PACSIN2: variants seen among roughly 807,000 people sequenced by gnomAD.
PACSIN2 encodes protein kinase C and casein kinase substrate in neurons 2.
Under a neutral mutation model 63.8 loss-of-function variants are expected in PACSIN2, and 25 were observed. That is an observed-to-expected ratio of 0.39 (90% CI 0.29 to 0.55). The LOEUF (loss-of-function observed/expected upper bound fraction) is 0.55, where lower values mean the gene tolerates loss of function less well. Ranked by LOEUF, PACSIN2 falls within the 20% of genes least tolerant of loss-of-function variation. The probability of loss-of-function intolerance (pLI) is 0.62; values close to 1 mark genes in which losing one functional copy is unlikely to be tolerated. For synonymous variants in PACSIN2, 255 were observed against 256.2 expected, an observed-to-expected ratio of 1.00 and a Z score of 0.05; for missense variants, 518 against 646.9, an observed-to-expected ratio of 0.80 and a Z score of 2.16.
At chr22:42,937,731 G>A (rs1228599737) in intron 1 of PACSIN2, among the ~76,000 whole-genome samples, 1 of 152,206 alleles carries the variant, frequency 6.6e-6, no homozygotes, top group Non-Finnish European at 1.5e-5. Flanking sequence ...CCCACTGTGG[G>A]TGAGGAGCAG....
chr22:42,940,185 A>C (rs964331472), intron 1 of PACSIN2, among the ~76,000 whole-genome samples: 10 of 152,198 alleles, frequency 6.6e-5, no homozygotes, highest in Admixed American at 5.9e-4. Flanking sequence ...CAGTAAAACC[A>C]AGTGGAAAGC....
At chr22:42,930,595 G>C (rs1020379331) in intron 1 of PACSIN2, among the ~76,000 whole-genome samples, 3 of 152,154 alleles carry the variant, frequency 2.0e-5, no homozygotes, top group Admixed American at 2.0e-4. Flanking sequence ...AATGCATTTG[G>C]AAGTATGAAA....
intron 1 of PACSIN2, among the ~76,000 whole-genome samples, chr22:42,917,097 G>A (rs547396308): frequency 2.0e-5 from 3 of 152,200 alleles, no homozygotes; most frequent in Admixed American, 1.3e-4. Context: ...TGCACTACAC[G>A]CGTGCACTCC....
intron 1 of PACSIN2, among the ~76,000 whole-genome samples, chr22:42,941,327 C>T (rs1281849914): frequency 1.3e-5 from 2 of 152,192 alleles, no homozygotes; most frequent in Admixed American, 6.5e-5. Flanking sequence ...GCCACTTTTC[C>T]GCTATTAATA....
At position 42,929,076 on chromosome 22, in the gene PACSIN2, C is replaced by T. The variant is rs113522813; in HGVS notation, c.-77-16919G>A. Among the ~76,000 whole-genome samples, 1,030 of 152,328 alleles carry T rather than the reference C, an allele frequency of 6.8e-3. 15 individuals carry two copies. The highest frequency in any genetic ancestry group is 0.024 in the African/African-American group (992 of 41,568). ...GAGTAATTATAAGAGTGTGTATGTGCAGTGAGCATGGCTGCAAAGATCCTC... is the reference window on the plus strand; with the variant it reads ...GAGTAATTATAAGAGTGTGTATGTGTAGTGAGCATGGCTGCAAAGATCCTC... On this transcript the variant is annotated intron_variant, in intron 1 of 10. Transcript: ENST00000263246.
intron 2 of PACSIN2, among the ~76,000 whole-genome samples, chr22:42,909,880 G>A (rs755253208): frequency 7.2e-5 from 11 of 152,132 alleles, no homozygotes; most frequent in Non-Finnish European, 1.0e-4. Context: ...CAAGGGCACC[G>A]CAGGAACAGA....
chr22:42,927,807 G>A (rs183278833), intron 1 of PACSIN2, among the ~76,000 whole-genome samples: 482 of 151,122 alleles, frequency 3.2e-3, no homozygotes, highest in Non-Finnish European at 4.5e-3. Flanking sequence ...GGCTGGTCTC[G>A]AATTCCAGAC....
intron 1 of PACSIN2, among the ~76,000 whole-genome samples, chr22:42,921,740 CTT>C (rs538286179): frequency 3.5e-5 from 5 of 144,622 alleles, no homozygotes; most frequent in Admixed American, 6.9e-5. Context: ...CATTTAGAAG[CTT>C]TTTTTTTTTT....
At position 42,890,997 on chromosome 22, in the gene PACSIN2, C is replaced by T; in HGVS notation, c.403G>A (p.Glu135Lys). The stretch of plus-strand genomic sequence containing the variant: ...TTCTGTGCCTTCCGAAAGCCGTCCT[C>T]AGCTTCCTTGGTCTCCTTGAAGCCG... ...MGGFKETKEA[E>K]DGFRKAQKPW... The change falls in exon 4 of 11, where the codon GAG (glutamate) becomes AAG (lysine). Residue 135 changes from glutamate to lysine, a missense_variant. Physicochemically the swap from Glu to Lys is moderately conservative, Grantham distance 56 (BLOSUM62 1). Around this residue, in one of 2 missense-constraint regions of PACSIN2, gnomAD observed 507 missense variants for 612.3 expected, o/e 0.83. Transcript: ENST00000263246. The T allele has an allele frequency of 6.2e-7, 1 of 1,614,196 alleles. No homozygotes were observed. Among genetic ancestry groups the T allele is most frequent in the Non-Finnish European group, 8.5e-7 (1 of 1,180,042 alleles).
intron 1 of PACSIN2, among the ~76,000 whole-genome samples, chr22:42,934,619 T>C (rs1033241208): frequency 6.6e-6 from 1 of 152,172 alleles, no homozygotes; most frequent in Non-Finnish European, 1.5e-5. Context: ...CCACCTACCT[T>C]GCAAGGCCCA....
intron 1 of PACSIN2, among the ~76,000 whole-genome samples, chr22:42,978,049 A>G (rs1921829228): frequency 6.6e-6 from 1 of 152,216 alleles, no homozygotes; most frequent in African/African-American, 2.4e-5. Context: ...AAAACTACTG[A>G]CCTGGAGAGA....
At chr22:42,940,459 C>T (rs1458438871) in intron 1 of PACSIN2, among the ~76,000 whole-genome samples, 1 of 152,178 alleles carries the variant, frequency 6.6e-6, no homozygotes, top group Non-Finnish European at 1.5e-5. Context: ...CAAACTTCCT[C>T]CTCAATCCAC....
At chr22:42,920,137 A>C (rs1211192916) in intron 1 of PACSIN2, among the ~76,000 whole-genome samples, 1 of 152,014 alleles carries the variant, frequency 6.6e-6, no homozygotes, top group Non-Finnish European at 1.5e-5. Context: ...AAAAATAAGA[A>C]AGAATCTAAA....
intron 2 of PACSIN2, among the ~76,000 whole-genome samples, chr22:42,908,011 G>C (rs1379775725): frequency 2.0e-5 from 3 of 152,116 alleles, no homozygotes; most frequent in Non-Finnish European, 4.4e-5. Context: ...TAAATGTTGA[G>C]AGTCACGTGC....
At chr22:42,987,329 A>C (rs1739181125) in intron 1 of PACSIN2, among the ~76,000 whole-genome samples, 1 of 151,918 alleles carries the variant, frequency 6.6e-6, no homozygotes, top group Admixed American at 6.6e-5. Flanking sequence ...TCCCACAGAT[A>C]AAAATTTCAT....
chr22:42,999,944 T>C (rs1923660895), intron 1 of PACSIN2, among the ~76,000 whole-genome samples: 1 of 152,260 alleles, frequency 6.6e-6, no homozygotes, highest in African/African-American at 2.4e-5. Context: ...TGGAGTTCTC[T>C]AAGGGCAATG....
chr22:42,912,940 G>C (rs1276951680), intron 1 of PACSIN2, among the ~76,000 whole-genome samples: 3 of 152,214 alleles, frequency 2.0e-5, no homozygotes, highest in Admixed American at 1.3e-4. Flanking sequence ...CAACAGGAAG[G>C]GGTGAGACAG....
Position 42,891,175 on chromosome 22 carries a change from C to A in PACSIN2, c.225G>T (p.Gln75His). The A allele has an allele frequency of 6.2e-7, 1 of 1,612,696 alleles. No individual in the cohort carries two copies. The highest frequency in any genetic ancestry group is 1.1e-5 in the South Asian group (1 of 91,060). Residue 75 changes from glutamine (Q) to histidine (H), a missense_variant, in exon 4 of 11, where the codon CAG (glutamine) becomes CAT (histidine). Coordinates refer to ENST00000263246, the MANE Select transcript of PACSIN2 (RefSeq NM_001184970.3). ...RWRQLVEKGP[Q>H]YGTVEKAWMA... is the part of the protein sequence containing the mutation. ...TCCAGGCCTTCTCCACGGTCCCGTACTGGGGCCCTGTGCAGGGGAGAGAAG... is the reference window on the plus strand; with the variant it reads ...TCCAGGCCTTCTCCACGGTCCCGTAATGGGGCCCTGTGCAGGGGAGAGAAG...
chr22:42,886,415 TGTAGGTAGGTAGGTAGGTAGGTAG>T (rs78395694), intron 5 of PACSIN2, among the ~76,000 whole-genome samples: 18 of 144,986 alleles, frequency 1.2e-4, no homozygotes, highest in African/African-American at 3.8e-4. Context: ...ATGGTATGTA[TGTAGGTAGGTAGGTAGGTAGGTAG>T]GTAGGTAGGT....
Sources: allele counts gnomAD v4.1 joint callset (sites outside exome capture counted in the v4.1 genomes callset), GRCh38; gene constraint gnomAD v4.1.1; regional missense constraint gnomAD v4.1.1; transcripts MANE v1.5; gene names NCBI Gene and HGNC (gene_info 2026-07-23, HGNC 2026-07-21).